ADAMTSL1: variants seen among roughly 807,000 people sequenced by gnomAD.
ADAMTSL1 encodes ADAMTS-like protein 1.
In ADAMTSL1, 126 loss-of-function variants were observed where a neutral mutation model predicts 201.8. That is an observed-to-expected ratio of 0.62 (90% CI 0.54 to 0.72). ADAMTSL1 has a LOEUF of 0.72. ADAMTSL1 is among the 30% of genes least tolerant of loss of function. The pLI is 0.00. For missense variants in ADAMTSL1, 2,679 were observed against 2,277.8 expected (o/e 1.18, Z -3.59); for synonymous variants, 1,121 against 903.4 (o/e 1.24, Z -4.32).
chr9:18,681,697 T>TGTGTGGG (rs370940110), intron 11 of ADAMTSL1, 115 bp from the exon 12 acceptor site: 9,710 of 238,364 alleles, frequency 0.041, 391 homozygotes, highest in African/African-American at 0.054. Flanking sequence ...AGTCCTCGTG[T>TGTGTGGG]GGGGGGGGGG....
intron 1 of ADAMTSL1, among the ~76,000 whole-genome samples, chr9:17,984,636 A>T (rs1188176857): frequency 6.6e-6 from 1 of 151,248 alleles, no homozygotes; most frequent in Non-Finnish European, 1.5e-5. Context: ...AGAAGTGGAA[A>T]CTCCTTAGTC....
intron 1 of ADAMTSL1, among the ~76,000 whole-genome samples, chr9:18,114,727 A>G (rs1825176141): frequency 1.3e-5 from 2 of 152,162 alleles, no homozygotes; most frequent in African/African-American, 2.4e-5. Context: ...TTGGCAGCCT[A>G]CAAGAAACAT....
chr9:18,295,349 T>C (rs1833435850), intron 2 of ADAMTSL1, among the ~76,000 whole-genome samples: 1 of 151,878 alleles, frequency 6.6e-6, no homozygotes, highest in Non-Finnish European at 1.5e-5. Context: ...TATTCATTTT[T>C]TTTTTTTTTA....
At chr9:18,057,082 A>T (rs1822225690) in intron 1 of ADAMTSL1, among the ~76,000 whole-genome samples, 1 of 152,142 alleles carries the variant, frequency 6.6e-6, no homozygotes. Context: ...TGTCCTGGTG[A>T]AGGTCAAAGT....
chr9:18,037,578 T>C (rs892461377), intron 1 of ADAMTSL1, among the ~76,000 whole-genome samples: 2 of 152,200 alleles, frequency 1.3e-5, no homozygotes, highest in African/African-American at 4.8e-5. Context: ...GAAATGTGTA[T>C]ATATAGGAGA....
chr9:18,748,986 T>C (rs1819302679), intron 15 of ADAMTSL1, among the ~76,000 whole-genome samples: 1 of 152,220 alleles, frequency 6.6e-6, no homozygotes, highest in Non-Finnish European at 1.5e-5. Context: ...CCTTGGCTTG[T>C]AGATGCATCG....
chr9:18,062,771 A>G (rs911827563), intron 1 of ADAMTSL1, among the ~76,000 whole-genome samples: 7 of 152,194 alleles, frequency 4.6e-5, no homozygotes, highest in African/African-American at 1.7e-4. Flanking sequence ...CTAATGCTTT[A>G]GAAAATCCAA....
chr9:17,962,634 C>G (rs1047455266), intron 1 of ADAMTSL1, among the ~76,000 whole-genome samples: 1 of 152,172 alleles, frequency 6.6e-6, no homozygotes, highest in East Asian at 1.9e-4. Context: ...TCAGAACTAG[C>G]AAGTTCTAGA....
At chr9:18,662,820 G>A (rs1025906424) in intron 9 of ADAMTSL1, among the ~76,000 whole-genome samples, 18 of 152,200 alleles carry the variant, frequency 1.2e-4, no homozygotes, top group African/African-American at 3.4e-4. Context: ...TAGGTGTAAC[G>A]TTTGCCTTTG....
In ADAMTSL1 at chr9:18,299,399, C is replaced by A. The variant is rs371489064; in HGVS notation, c.207+135418C>A. Among the ~76,000 whole-genome samples the A allele has an allele frequency of 3.9e-5, 6 of 152,198 alleles. No individual in the cohort carries two copies. The East Asian group carries it at 7.7e-4, about 20-fold the overall frequency. On this transcript the variant is annotated intron_variant, in intron 2 of 29. Coordinates refer to the ADAMTSL1 transcript ENST00000680146. The stretch of plus-strand genomic sequence containing the variant: ...TTTAAAATTCGATTTTAAATGAATG[C>A]CATGAAACAACTAGTCACCAGTTGG...
chr9:18,705,750 C>T (rs1164799235), intron 13 of ADAMTSL1, among the ~76,000 whole-genome samples: 1 of 152,136 alleles, frequency 6.6e-6, no homozygotes, highest in Non-Finnish European at 1.5e-5. Context: ...AAATAAATCT[C>T]GGGAAGCATA....
intron 7 of ADAMTSL1, among the ~76,000 whole-genome samples, chr9:18,650,096 C>T (rs964963903): frequency 9.9e-5 from 15 of 152,212 alleles, no homozygotes; most frequent in African/African-American, 2.4e-4. Flanking sequence ...TGGGCAATGG[C>T]GGGTGCCCAT....
chr9:18,429,269 T>A (rs1819375053), intron 2 of ADAMTSL1, among the ~76,000 whole-genome samples: 1 of 152,226 alleles, frequency 6.6e-6, no homozygotes, highest in South Asian at 2.1e-4. Context: ...AATCTGAATA[T>A]GACTTCATAA....
At chr9:18,838,383 ACACACACACACACACACAC>A in intron 23 of ADAMTSL1, among the ~76,000 whole-genome samples, 1 of 140,698 alleles carries the variant, frequency 7.1e-6, no homozygotes. Flanking sequence ...ACACACACAC[ACACACACACACACACACAC>A]GCAAAAACCT....
chr9:18,297,172 T>G (rs1833508662), intron 2 of ADAMTSL1, among the ~76,000 whole-genome samples: 1 of 152,172 alleles, frequency 6.6e-6, no homozygotes, highest in African/African-American at 2.4e-5. Context: ...TTATCTCATG[T>G]CCCATTTGGT....
intron 2 of ADAMTSL1, among the ~76,000 whole-genome samples, chr9:18,407,893 G>T (rs1488531241): frequency 6.6e-6 from 1 of 152,194 alleles, no homozygotes; most frequent in African/African-American, 2.4e-5. Context: ...GGAGAAGAAG[G>T]AACCTTATGG....
intron 2 of ADAMTSL1, among the ~76,000 whole-genome samples, chr9:18,328,630 A>G (rs1284803628): frequency 1.3e-5 from 2 of 152,204 alleles, no homozygotes; most frequent in African/African-American, 2.4e-5. Context: ...CTAAAAGATC[A>G]TGCCTTAATC....
chr9:18,760,788 C>T (rs1412606118), intron 16 of ADAMTSL1, among the ~76,000 whole-genome samples: 1 of 152,224 alleles, frequency 6.6e-6, no homozygotes, highest in Non-Finnish European at 1.5e-5. Flanking sequence ...CATGCCATGT[C>T]CCTTTGCACC....
chr9:18,397,736 A>G (rs1368500128), intron 2 of ADAMTSL1, among the ~76,000 whole-genome samples: 2 of 152,234 alleles, frequency 1.3e-5, no homozygotes, highest in Non-Finnish European at 2.9e-5. Flanking sequence ...TTTTAAATCA[A>G]TGAAACACAC....
Sources: gnomAD v4.1 joint callset for allele counts (sites outside exome capture counted in the v4.1 genomes callset) on GRCh38, gnomAD v4.1.1 for gene constraint, MANE v1.5 for transcripts, NCBI Gene and HGNC (gene_info 2026-07-23, HGNC 2026-07-21) for gene names.